Variants in CCDC178 observed in about 807,000 individuals in gnomAD.
CCDC178 encodes the protein coiled-coil domain-containing protein 178.
A neutral mutation model predicts 117.4 loss-of-function variants in CCDC178; 126 were observed. The observed-to-expected ratio is 1.07, with a 90% CI of 0.93 to 1.24. The LOEUF (loss-of-function observed/expected upper bound fraction) is 1.24. Ranked by LOEUF, CCDC178 falls within the 50% of genes most tolerant of loss-of-function variation. CCDC178 has a pLI of 0.00. For missense variants in CCDC178, 1,030 were observed against 986.9 expected (o/e 1.04, Z -0.59); for synonymous variants, 283 against 313.4 (o/e 0.90, Z 1.02).
chr18:33,152,204 G>A (rs1014959219), intron 20 of CCDC178, among the ~76,000 whole-genome samples: 19 of 152,164 alleles, frequency 1.2e-4, no homozygotes, highest in African/African-American at 4.6e-4. Context: ...GCGACAAATG[G>A]AAACCAGAAA....
At chr18:33,397,674 G>A (rs189016163) in intron 3 of CCDC178, among the ~76,000 whole-genome samples, 4 of 152,160 alleles carry the variant, frequency 2.6e-5, no homozygotes, top group East Asian at 3.9e-4. Flanking sequence ...ATTTACGCAC[G>A]TCATAACTGC....
chr18:33,257,977 T>C (rs1412339412), intron 14 of CCDC178, among the ~76,000 whole-genome samples: 3 of 152,234 alleles, frequency 2.0e-5, no homozygotes, highest in East Asian at 3.9e-4. Flanking sequence ...TTTTCCTTCA[T>C]GTCTTATATC....
intron 11 of CCDC178, among the ~76,000 whole-genome samples, chr18:33,304,062 A>G (rs1177951959): frequency 2.6e-5 from 4 of 152,180 alleles, no homozygotes; most frequent in African/African-American, 7.2e-5. Flanking sequence ...TTGTATTTCC[A>G]TGGCAAAAAA....
chr18:33,327,274 A>ATGTT (rs2145026212), intron 10 of CCDC178, among the ~76,000 whole-genome samples: 1 of 152,278 alleles, frequency 6.6e-6, no homozygotes, highest in East Asian at 1.9e-4. Context: ...AGCATGTATC[A>ATGTT]GTACCTCATT....
chr18:33,402,074 T>C (rs536212423), intron 3 of CCDC178, among the ~76,000 whole-genome samples: 1 of 152,120 alleles, frequency 6.6e-6, no homozygotes, highest in South Asian at 2.1e-4. Context: ...AAATAAATAT[T>C]GAAGGCCACA....
At chr18:33,328,733 A>G (rs2062623092) in intron 10 of CCDC178, among the ~76,000 whole-genome samples, 1 of 152,268 alleles carries the variant, frequency 6.6e-6, no homozygotes, top group South Asian at 2.1e-4. Flanking sequence ...AAATTGGAAA[A>G]TGTGACTTCT....
chr18:33,113,076 GAA>G (rs1220942626), intron 20 of CCDC178, among the ~76,000 whole-genome samples: 2 of 151,892 alleles, frequency 1.3e-5, no homozygotes, highest in Non-Finnish European at 2.9e-5. Context: ...CAAACTCTAA[GAA>G]TTTCTTTTTA....
chr18:33,179,088 T>C (rs1346798846), intron 20 of CCDC178, among the ~76,000 whole-genome samples: 1 of 97,044 alleles, frequency 1.0e-5, no homozygotes, highest in South Asian at 2.7e-4. Flanking sequence ...AATATATATA[T>C]ATATATATAT....
intron 19 of CCDC178, 123 bp from the exon 20 acceptor site, chr18:33,212,178 T>G: frequency 1.3e-5 from 8 of 631,774 alleles, no homozygotes; most frequent in Non-Finnish European, 1.8e-5. Context: ...TGACAGGCCT[T>G]GGAAAAATTC....
intron 20 of CCDC178, among the ~76,000 whole-genome samples, chr18:33,185,129 A>G (rs1229591896): frequency 6.6e-6 from 1 of 151,960 alleles, no homozygotes; most frequent in Admixed American, 6.6e-5. Flanking sequence ...CTTCCACAGA[A>G]AGGTGCACTG....
intron 5 of CCDC178, among the ~76,000 whole-genome samples, chr18:33,379,812 G>A (rs955735419): frequency 6.6e-6 from 1 of 152,116 alleles, no homozygotes; most frequent in African/African-American, 2.4e-5. Context: ...CCAGGTGAGT[G>A]GGTGCTCCAA....
At chr18:33,159,107 GT>G (rs2058434464) in intron 20 of CCDC178, among the ~76,000 whole-genome samples, 1 of 152,028 alleles carries the variant, frequency 6.6e-6, no homozygotes, top group Non-Finnish European at 1.5e-5. Context: ...TAGAGGCCAT[GT>G]GATTAATTTA....
intron 12 of CCDC178, among the ~76,000 whole-genome samples, chr18:33,290,195 G>A (rs115386727): frequency 1.3e-5 from 2 of 152,048 alleles, no homozygotes; most frequent in African/African-American, 4.8e-5. Context: ...GCCCAAACCA[G>A]AGAAAACATT....
At chr18:33,115,501 C>T (rs1334627315) in intron 20 of CCDC178, among the ~76,000 whole-genome samples, 1 of 151,992 alleles carries the variant, frequency 6.6e-6, no homozygotes, top group Non-Finnish European at 1.5e-5. Context: ...TGAAAAACTT[C>T]CAAGATAGAT....
At chr18:33,035,795 A>G (rs1018812095) in intron 21 of CCDC178, among the ~76,000 whole-genome samples, 10 of 152,058 alleles carry the variant, frequency 6.6e-5, no homozygotes, top group African/African-American at 2.4e-4. Context: ...CCTTGATTAT[A>G]TATAATCTTT....
chr18:33,045,648 C>T (rs888717250), intron 21 of CCDC178, among the ~76,000 whole-genome samples: 1 of 152,178 alleles, frequency 6.6e-6, no homozygotes, highest in African/African-American at 2.4e-5. Context: ...TGTATAATAA[C>T]TACATAAGTT....
chr18:33,186,213 A>T (rs554338785), intron 20 of CCDC178, among the ~76,000 whole-genome samples: 43 of 152,232 alleles, frequency 2.8e-4, no homozygotes, highest in Middle Eastern at 6.8e-3. Context: ...TTAAAATTAC[A>T]TATCACTCTT....
chr18:33,161,882 T>C (rs1475516529), intron 20 of CCDC178, among the ~76,000 whole-genome samples: 1 of 152,170 alleles, frequency 6.6e-6, no homozygotes, highest in Non-Finnish European at 1.5e-5. Flanking sequence ...TAAACATATG[T>C]GTGCATGTGT....
chr18:33,167,642 T>G (rs1186373164), intron 20 of CCDC178, among the ~76,000 whole-genome samples: 1 of 151,906 alleles, frequency 6.6e-6, no homozygotes, highest in African/African-American at 2.4e-5. Context: ...GGCAGGTGGA[T>G]CACTTGAGGT....
Sources: gnomAD v4.1 joint callset for allele counts (sites outside exome capture counted in the v4.1 genomes callset) on GRCh38, gnomAD v4.1.1 for gene constraint, MANE v1.5 for transcripts, NCBI Gene and HGNC (gene_info 2026-07-23, HGNC 2026-07-21) for gene names.